SUPT3H: variants seen among roughly 807,000 people sequenced by gnomAD.
The protein encoded by SUPT3H is transcription initiation protein SPT3 homolog.
Under a neutral mutation model 44.3 loss-of-function variants are expected in SUPT3H, and 44 were observed. The observed-to-expected ratio is 0.99, with a 90% confidence interval of 0.78 to 1.28. The LOEUF is 1.28. Among genes scored for constraint, SUPT3H ranks in the 50% most tolerant of loss-of-function variants. The pLI, the probability that SUPT3H is intolerant of heterozygous loss-of-function variation, is 0.00. For missense variants in SUPT3H, 380 were observed against 387.1 expected, an observed-to-expected ratio of 0.98 and a Z score of 0.15; for synonymous variants, 124 against 125.6, an observed-to-expected ratio of 0.99 and a Z score of 0.09.
At chr6:45,266,939 G>C (rs1025838784) in intron 2 of SUPT3H, among the ~76,000 whole-genome samples, 14 of 152,070 alleles carry the variant, frequency 9.2e-5, no homozygotes, top group Admixed American at 2.0e-4. Flanking sequence ...CTGACCTCAT[G>C]TGACAGGTTA....
rs1469884679 is a variant in SUPT3H, at chr6:45,177,667, G to A, written c.102-71661C>T. ...GGAAAAAATGTTAAGGGCAGCCACA[G>A]AGAAAGGTCGGGTTAGCCTCAAAGG... On this transcript the variant is annotated intron_variant, in intron 2 of 10. Coordinates refer to ENST00000371459, the MANE Select transcript of SUPT3H (RefSeq NM_003599.4). 4.6e-5 allele frequency among the ~76,000 whole-genome samples: 7 copies of A among 151,354 alleles called. No individual in the cohort carries two copies. In the East Asian group the frequency reaches 9.6e-4, roughly 21 times the overall value.
chr6:45,182,454 G>T (rs1361275376), intron 2 of SUPT3H, among the ~76,000 whole-genome samples: 2 of 152,050 alleles, frequency 1.3e-5, no homozygotes, highest in Non-Finnish European at 2.9e-5. Context: ...TAGAGATGGG[G>T]TTTCACCACG....
intron 2 of SUPT3H, among the ~76,000 whole-genome samples, chr6:45,229,123 T>C (rs760063203): frequency 5.9e-5 from 9 of 152,170 alleles, no homozygotes; most frequent in Admixed American, 2.0e-4. Flanking sequence ...CTGGAATCCT[T>C]TTTTATAAAA....
chr6:45,215,887 C>A (rs1001975096), intron 2 of SUPT3H, among the ~76,000 whole-genome samples: 3 of 152,140 alleles, frequency 2.0e-5, no homozygotes, highest in Non-Finnish European at 4.4e-5. Flanking sequence ...TATAGTCAAA[C>A]TGTCAAAAGT....
At chr6:45,326,916 T>C (rs1786440958) in intron 2 of SUPT3H, among the ~76,000 whole-genome samples, 1 of 151,892 alleles carries the variant, frequency 6.6e-6, no homozygotes, top group South Asian at 2.1e-4. Context: ...TAGGAAGAAG[T>C]CTAACATGCA....
At chr6:45,138,640 T>C (rs2153588178) in intron 2 of SUPT3H, among the ~76,000 whole-genome samples, 1 of 152,234 alleles carries the variant, frequency 6.6e-6, no homozygotes, top group East Asian at 1.9e-4. Context: ...TGTGATTTCA[T>C]TTATATGAAA....
At chr6:45,192,860 AAAT>A (rs1370410264) in intron 2 of SUPT3H, among the ~76,000 whole-genome samples, 3 of 152,210 alleles carry the variant, frequency 2.0e-5, no homozygotes, top group African/African-American at 4.8e-5. Flanking sequence ...TAAGACACAA[AAAT>A]AATAACTCTG....
chr6:44,979,903 C>A (rs1778859738), intron 6 of SUPT3H, among the ~76,000 whole-genome samples: 1 of 152,112 alleles, frequency 6.6e-6, no homozygotes, highest in Admixed American at 6.6e-5. Context: ...TTATAGTAGA[C>A]CAGGTCTACC....
At chr6:45,270,183 C>T (rs1218619463) in intron 2 of SUPT3H, among the ~76,000 whole-genome samples, 1 of 152,036 alleles carries the variant, frequency 6.6e-6, no homozygotes, top group Non-Finnish European at 1.5e-5. Context: ...CCATCAAGGT[C>T]AAGACACTTG....
intron 3 of SUPT3H, among the ~76,000 whole-genome samples, chr6:45,040,631 C>T (rs753870372): frequency 6.6e-6 from 1 of 152,144 alleles, no homozygotes; most frequent in African/African-American, 2.4e-5. Context: ...GAAATTCATA[C>T]TCTTGAACAA....
At chr6:45,345,728 T>C (rs374122736) in intron 2 of SUPT3H, among the ~76,000 whole-genome samples, 108 of 152,312 alleles carry the variant, frequency 7.1e-4, no homozygotes, top group African/African-American at 2.6e-3. Context: ...TTATCAATTC[T>C]TCTTAATGAG....
intron 6 of SUPT3H, among the ~76,000 whole-genome samples, chr6:44,987,260 T>G (rs941146692): frequency 4.8e-5 from 6 of 124,714 alleles, no homozygotes; most frequent in Non-Finnish European, 9.6e-5. Context: ...CACTGGGCAT[T>G]GGGAGTCAGG....
At chr6:45,255,727 T>G (rs1474062327) in intron 2 of SUPT3H, among the ~76,000 whole-genome samples, 1 of 152,122 alleles carries the variant, frequency 6.6e-6, no homozygotes, top group East Asian at 1.9e-4. Context: ...CCAGACTAGG[T>G]AGATACTATT....
At chr6:45,065,145 G>A (rs1793023322) in intron 3 of SUPT3H, among the ~76,000 whole-genome samples, 2 of 151,850 alleles carry the variant, frequency 1.3e-5, no homozygotes, top group Non-Finnish European at 2.9e-5. Context: ...TAGAATTCAG[G>A]ATTAAGAATC....
At chr6:45,264,387 C>T (rs895701041) in intron 2 of SUPT3H, among the ~76,000 whole-genome samples, 6 of 152,040 alleles carry the variant, frequency 3.9e-5, no homozygotes, top group East Asian at 1.9e-4. Context: ...TGGCTGGGCA[C>T]GGTGGCTCAC....
chr6:45,374,946 C>G (rs964024022), intron 1 of SUPT3H, among the ~76,000 whole-genome samples: 2 of 152,218 alleles, frequency 1.3e-5, no homozygotes, highest in Non-Finnish European at 2.9e-5. Context: ...GTGGCTCACA[C>G]CTGTAATCCC....
intron 10 of SUPT3H, among the ~76,000 whole-genome samples, chr6:44,909,134 T>C (rs932433252): frequency 3.5e-5 from 3 of 85,680 alleles, no homozygotes; most frequent in Non-Finnish European, 7.2e-5. Context: ...GGTGTGTGTG[T>C]GTGTGTGCGT....
intron 6 of SUPT3H, among the ~76,000 whole-genome samples, chr6:44,987,410 A>G (rs1779969325): frequency 2.0e-5 from 3 of 152,114 alleles, no homozygotes; most frequent in African/African-American, 7.2e-5. Context: ...AGAGAGCTAG[A>G]AAACAGCACA....
intron 3 of SUPT3H, among the ~76,000 whole-genome samples, chr6:45,040,882 T>C (rs1485965079): frequency 6.6e-6 from 1 of 152,224 alleles, no homozygotes; most frequent in Non-Finnish European, 1.5e-5. Context: ...CTCCCTTATA[T>C]GTGAGGCCAA....
Sources: allele counts gnomAD v4.1 joint callset (sites outside exome capture counted in the v4.1 genomes callset), GRCh38; gene constraint gnomAD v4.1.1; transcripts MANE v1.5; gene names NCBI Gene and HGNC (gene_info 2026-07-23, HGNC 2026-07-21).